The following NEBL variants were observed in gnomAD, a reference collection of about 807,000 sequenced individuals.
NEBL encodes the protein LIM and SH3 protein 2.
NEBL carries 122 observed loss-of-function variants against 140.2 expected under a neutral mutation model. The ratio of observed to expected loss-of-function variants is 0.87; its 90% confidence interval spans 0.75 to 1.01. NEBL has a LOEUF of 1.01. NEBL is among the 50% of genes least tolerant of loss of function. The pLI, the probability that NEBL is intolerant of heterozygous loss-of-function variation, is 0.00. For synonymous variants in NEBL, 436 were observed against 398.9 expected (o/e 1.09, Z -1.11); for missense variants, 1,365 against 1,231.3 (o/e 1.11, Z -1.62).
chr10:21,016,073 C>G (rs74122605), intron 3 of NEBL, among the ~76,000 whole-genome samples: 2,741 of 152,334 alleles, frequency 0.018, 77 homozygotes, highest in African/African-American at 0.063. Context: ...GCTGCGGGCC[C>G]GTGGGGGCGT....
At chr10:21,146,233 G>A (rs954926755) in intron 2 of NEBL, 76 of 858,626 alleles carry the variant, frequency 8.9e-5, no homozygotes, top group Admixed American at 1.2e-4. Context: ...AGGGTACTCC[G>A]TTCACCCCTC....
intron 26 of NEBL, among the ~76,000 whole-genome samples, chr10:20,790,600 C>CA (rs558358426): frequency 0.014 from 1,116 of 82,584 alleles, 10 homozygotes; most frequent in East Asian, 0.025. Context: ...AACTCTGTCT[C>CA]AAAAAAAAAA....
chr10:21,158,843 T>C (rs1479958967), intron 2 of NEBL, among the ~76,000 whole-genome samples: 2 of 152,356 alleles, frequency 1.3e-5, no homozygotes, highest in South Asian at 2.1e-4. Context: ...AGGAATTGCA[T>C]GAAAGCTAAA....
intron 1 of NEBL, among the ~76,000 whole-genome samples, chr10:21,283,529 C>A (rs1053492366): frequency 6.6e-6 from 1 of 152,108 alleles, no homozygotes; most frequent in African/African-American, 2.4e-5. Context: ...TGGATCTGGA[C>A]CCCTTCCCTA....
chr10:21,269,959 T>A (rs1842842792), intron 1 of NEBL, among the ~76,000 whole-genome samples: 2 of 152,010 alleles, frequency 1.3e-5, no homozygotes, highest in Admixed American at 6.6e-5. Flanking sequence ...ATTTGAGGAG[T>A]TCTTTGTTTG....
chr10:20,865,865 T>C (rs1299377030), intron 7 of NEBL, among the ~76,000 whole-genome samples: 1 of 152,166 alleles, frequency 6.6e-6, no homozygotes, highest in African/African-American at 2.4e-5. Flanking sequence ...AGCAGTTGTG[T>C]CCACTTCATT....
At chr10:21,289,276 C>A (rs1041083463) in intron 1 of NEBL, among the ~76,000 whole-genome samples, 1 of 152,092 alleles carries the variant, frequency 6.6e-6, no homozygotes, top group Non-Finnish European at 1.5e-5. Flanking sequence ...AATCCTGACA[C>A]CAGCTGGGTA....
chr10:21,019,482 G>A lies in NEBL; in HGVS notation c.249+635C>T, dbSNP rs11012491. Among the ~76,000 whole-genome samples the A allele has an allele frequency of 0.053, 8,013 of 152,254 alleles. 1,005 individuals are homozygous for A. The East Asian group carries it at 0.54, about 10-fold the overall frequency. On this transcript the variant is annotated intron_variant, in intron 3 of 6. Transcript: ENST00000417816. ...GGGTGCCAGGAAAGACAGCTTCTTT[G>A]AAAGAGAGCACCCCATATTTACTAA...
At chr10:21,016,081 C>T (rs920992411) in intron 3 of NEBL, among the ~76,000 whole-genome samples, 8 of 152,252 alleles carry the variant, frequency 5.3e-5, no homozygotes, top group Admixed American at 3.9e-4. Context: ...CCCGTGGGGG[C>T]GTCTAACCAC....
chr10:21,178,020 G>A (rs905045331), upstream of NEBL, among the ~76,000 whole-genome samples: 6 of 152,092 alleles, frequency 3.9e-5, no homozygotes, highest in South Asian at 2.1e-4. Flanking sequence ...GAAAGTTTTC[G>A]CAACCAACAA....
intron 4 of NEBL, among the ~76,000 whole-genome samples, chr10:20,935,472 AT>A (rs1392338909): frequency 6.6e-6 from 1 of 152,068 alleles, no homozygotes; most frequent in Non-Finnish European, 1.5e-5. Context: ...CCCCAAGAAC[AT>A]GCTCCCCTCG....
rs1027117978 is a variant in NEBL at position 20,823,212 on chromosome 10, C to A, written c.1958G>T (p.Ser653Ile). The A allele has an allele frequency of 1.9e-6, 3 of 1,599,322 alleles. No homozygotes were observed. Among genetic ancestry groups the A allele is most frequent in the Non-Finnish European group, 2.6e-6 (3 of 1,170,202 alleles). Reference protein sequence around the residue: ...KRVKENQKNISNLQYKEQNYK... With the variant: ...KRVKENQKNIINLQYKEQNYK... ...ATACTTAAGAAATATGATCACATTGCTGATGTTCTTCTGGTTTTCTTTAAC... is the reference window on the plus strand; with the variant it reads ...ATACTTAAGAAATATGATCACATTGATGATGTTCTTCTGGTTTTCTTTAAC... Residue 653 changes from serine to isoleucine, a missense_variant, in exon 19 of 28, where the codon AGC becomes ATC. Transcript: ENST00000377122.
chr10:20,913,523 T>A (rs181680280), intron 4 of NEBL, among the ~76,000 whole-genome samples: 2 of 152,318 alleles, frequency 1.3e-5, no homozygotes, highest in East Asian at 1.9e-4. Context: ...GTTTTAAACA[T>A]CTTTGATATA....
At chr10:21,285,371 T>A (rs567528509) in intron 1 of NEBL, among the ~76,000 whole-genome samples, 2 of 152,342 alleles carry the variant, frequency 1.3e-5, no homozygotes, top group East Asian at 1.9e-4. Flanking sequence ...TCTGATGGCC[T>A]CCCTTGGAAA....
intron 4 of NEBL, among the ~76,000 whole-genome samples, chr10:20,942,750 C>A (rs1299650043): frequency 5.9e-5 from 9 of 152,234 alleles, no homozygotes; most frequent in African/African-American, 2.2e-4. Flanking sequence ...AAGAAAAAAA[C>A]AAACAACCCC....
intron 2 of NEBL, among the ~76,000 whole-genome samples, chr10:21,038,841 A>T (rs1834125871): frequency 6.6e-6 from 1 of 152,142 alleles, no homozygotes; most frequent in African/African-American, 2.4e-5. Flanking sequence ...GTGTAAAAGC[A>T]TTCCTATTTC....
chr10:21,252,608 C>T (rs1301792128), intron 1 of NEBL, among the ~76,000 whole-genome samples: 1 of 152,000 alleles, frequency 6.6e-6, no homozygotes, highest in Non-Finnish European at 1.5e-5. Flanking sequence ...TATAAATATA[C>T]AGAAAAGGGG....
At chr10:21,126,007 C>T (rs1838810500) in intron 2 of NEBL, 1 of 1,614,078 alleles carries the variant, frequency 6.2e-7, no homozygotes, top group South Asian at 1.1e-5. Context: ...GAGACTGAAG[C>T]TGACTCTCCG....
At chr10:21,146,661 C>T in intron 2 of NEBL, 1 of 565,992 alleles carries the variant, frequency 1.8e-6, no homozygotes, top group South Asian at 2.7e-5. Flanking sequence ...ATGAGATGCT[C>T]TGAAAAGTCT....
Sources: allele counts gnomAD v4.1 joint callset (sites outside exome capture counted in the v4.1 genomes callset), GRCh38; gene constraint gnomAD v4.1.1; transcripts MANE v1.5; gene names NCBI Gene and HGNC (gene_info 2026-07-23, HGNC 2026-07-21).